Variants in CTDSPL2 observed in about 807,000 individuals in gnomAD.
CTDSPL2 encodes the protein CTD small phosphatase like 2.
In CTDSPL2, 5 loss-of-function variants were observed where a neutral mutation model predicts 60.0. The observed-to-expected ratio is 0.08, with a 90% CI of 0.04 to 0.18. The LOEUF (loss-of-function observed/expected upper bound fraction) is 0.18. Ranked by LOEUF, CTDSPL2 falls within the 10% of genes least tolerant of loss-of-function variation. The probability of loss-of-function intolerance (pLI) is 1.00; values close to 1 mark genes in which losing one functional copy is unlikely to be tolerated. For missense variants in CTDSPL2, 370 were observed against 548.8 expected (o/e 0.67, Z 3.26); for synonymous variants, 186 against 189.3 (o/e 0.98, Z 0.14).
intron 8 of CTDSPL2, among the ~76,000 whole-genome samples, chr15:44,506,102 T>C (rs2081458330): frequency 6.8e-6 from 1 of 148,116 alleles, no homozygotes; most frequent in South Asian, 2.2e-4. Context: ...CTATCTTGGC[T>C]CACCACAATC....
rs143320546 is a variant in CTDSPL2 at position 44,459,140 on chromosome 15, G to A, written c.126G>A (p.Ser42=). Residue 42 remains serine, a synonymous_variant, in exon 2 of 13, where the codon TCG becomes TCA. Coordinates refer to ENST00000260327, the MANE Select transcript of CTDSPL2 (RefSeq NM_016396.3). ...TGCCTTCAGGAGGAGAAAAACCATC[G>A]AAGAATGAAACCGGCTTGTTGTCTT... The part of the protein sequence containing the change: ...DSLPSGGEKP[S]KNETGLLSSI... 6.9e-5 allele frequency: 111 copies of A among 1,612,552 alleles called. No individual in the cohort carries two copies. Among genetic ancestry groups the A allele is most frequent in the South Asian group, 4.4e-5 (4 of 90,964 alleles).
chr15:44,502,555 T>C (rs2081397381), intron 8 of CTDSPL2, among the ~76,000 whole-genome samples: 2 of 152,156 alleles, frequency 1.3e-5, no homozygotes, highest in Non-Finnish European at 2.9e-5. Context: ...TATTGCAGCA[T>C]GAAAGTAGCC....
At position 44,522,232 on chromosome 15, in the gene CTDSPL2, C is replaced by G. The variant is rs117464150; in HGVS notation, c.1335+826C>G. Among the ~76,000 whole-genome samples, 589 of 152,192 alleles carry G rather than the reference C, an allele frequency of 3.9e-3. 15 individuals are homozygous for G. Among genetic ancestry groups the G allele is most frequent in the East Asian group, 0.038 (195 of 5,168 alleles). On this transcript the variant is annotated intron_variant, in intron 12 of 12. Transcript: ENST00000260327. ...TATTTTTTGTAGAGATGGGATTTCACTGTGTTTCCCAGGCTGGTCTTGAAC... is the reference window on the plus strand; with the variant it reads ...TATTTTTTGTAGAGATGGGATTTCAGTGTGTTTCCCAGGCTGGTCTTGAAC...
At chr15:44,442,922 A>G (rs924138968) in intron 1 of CTDSPL2, among the ~76,000 whole-genome samples, 14 of 151,992 alleles carry the variant, frequency 9.2e-5, no homozygotes, top group Non-Finnish European at 1.0e-4. Flanking sequence ...GCTGCAAGTA[A>G]GTGGTGAACC....
At chr15:44,486,808 C>A in intron 4 of CTDSPL2, 108 bp downstream of exon 4, 1 of 815,882 alleles carries the variant, frequency 1.2e-6, no homozygotes, top group Non-Finnish European at 1.8e-6. Flanking sequence ...GTTGCCCAGG[C>A]TGGAGTGCAG....
chr15:44,484,733 C>T (rs1200841471), intron 3 of CTDSPL2, among the ~76,000 whole-genome samples: 3 of 152,174 alleles, frequency 2.0e-5, no homozygotes, highest in Non-Finnish European at 2.9e-5. Context: ...GAGTGAGACT[C>T]TGTCTCAAAA....
chr15:44,478,452 C>CAAAAAA (rs61080056), intron 2 of CTDSPL2, among the ~76,000 whole-genome samples: 3 of 38,018 alleles, frequency 7.9e-5, no homozygotes, highest in Non-Finnish European at 1.4e-4. Flanking sequence ...GACTCTGTCT[C>CAAAAAA]AAAAAAAAAA....
chr15:44,509,282 A>C (rs575240019), intron 8 of CTDSPL2, among the ~76,000 whole-genome samples: 1 of 151,622 alleles, frequency 6.6e-6, no homozygotes, highest in African/African-American at 2.4e-5. Flanking sequence ...GCTCAGTGCA[A>C]CCTCCACCTT....
At chr15:44,523,449 C>CATACATACAT in intron 12 of CTDSPL2, among the ~76,000 whole-genome samples, 2 of 149,492 alleles carry the variant, frequency 1.3e-5, no homozygotes, top group East Asian at 4.0e-4. Context: ...CATACATAAG[C>CATACATACAT]AAGCAAGCTT....
intron 12 of CTDSPL2, among the ~76,000 whole-genome samples, chr15:44,523,389 TAC>T (rs1173343341): frequency 1.1e-4 from 1 of 8,804 alleles, no homozygotes; most frequent in Non-Finnish European, 2.7e-4. Flanking sequence ...ACCTCATCTC[TAC>T]ATACATACAT....
chr15:44,522,625 C>T (rs576214693), intron 12 of CTDSPL2, among the ~76,000 whole-genome samples: 8 of 151,922 alleles, frequency 5.3e-5, no homozygotes, highest in South Asian at 2.1e-4. Context: ...TAGTGGTGGG[C>T]GCCTATAATC....
chr15:44,518,558 C>T (rs2081700389), intron 10 of CTDSPL2: 1 of 151,668 alleles, frequency 6.6e-6, no homozygotes, highest in East Asian at 1.9e-4. Flanking sequence ...GGTCTTAGGA[C>T]CTTTTCTCAA....
chr15:44,486,765 T>G (rs570579806), intron 4 of CTDSPL2, 65 bp downstream of exon 4: 148 of 1,241,966 alleles, frequency 1.2e-4, no homozygotes, highest in African/African-American at 4.6e-4. Flanking sequence ...TGGGTTTTTT[T>G]TTTTTTTTTT....
intron 12 of CTDSPL2, among the ~76,000 whole-genome samples, chr15:44,523,831 A>G (rs1376030176): frequency 6.6e-6 from 1 of 152,130 alleles, no homozygotes; most frequent in African/African-American, 2.4e-5. Flanking sequence ...CCCAGGAGGC[A>G]GAAGTTGCAG....
chr15:44,497,044 A>G lies in CTDSPL2; in HGVS notation c.788A>G (p.His263Arg). The G allele has an allele frequency of 1.2e-6, 2 of 1,603,180 alleles. No individual in the cohort carries two copies. Among genetic ancestry groups the G allele is most frequent in the Non-Finnish European group, 1.7e-6 (2 of 1,172,600 alleles). The change falls in exon 7 of 13, where the codon CAT becomes CGT. Residue 263 changes from histidine (H) to arginine (R), a missense_variant. By Grantham distance (29) the His-to-Arg change is conservative (BLOSUM62 0). Coordinates refer to ENST00000260327, the MANE Select transcript of CTDSPL2 (RefSeq NM_016396.3). The part of the protein sequence containing the change: ...EVFDPYYFIK[H>R]VPPLTEEQLN... Reference sequence around the variant, plus strand: ...ATTTATAGCTATTATTTCATCAAACATGTCCCGCCACTGACAGAAGAACAA... The same window carrying G: ...ATTTATAGCTATTATTTCATCAAACGTGTCCCGCCACTGACAGAAGAACAA...
At chr15:44,478,684 A>G (rs2453273) in intron 2 of CTDSPL2, among the ~76,000 whole-genome samples, 5,518 of 152,048 alleles carry the variant, frequency 0.036, 203 homozygotes, top group Non-Finnish European at 0.051. Context: ...CTAAATTAGA[A>G]CATGTCTTGG....
intron 8 of CTDSPL2, among the ~76,000 whole-genome samples, chr15:44,508,631 A>G (rs2081512630): frequency 6.6e-6 from 1 of 152,152 alleles, no homozygotes; most frequent in South Asian, 2.1e-4. Flanking sequence ...TCTTTTTGAA[A>G]GTTATGGTCT....
In CTDSPL2 at chr15:44,491,043, T is replaced by TA. The variant is rs748680681; in HGVS notation, c.691+50dup. On this transcript the variant is annotated intron_variant, in intron 5 of 12. Transcript: ENST00000260327. Reference sequence around the variant, plus strand: ...CTTATACATCTTCATGAGTAGTTGATAAAAAATAACAGTATTTCATATTTT... The same window carrying TA: ...CTTATACATCTTCATGAGTAGTTGATAAAAAAATAACAGTATTTCATATTTT... The TA allele has an allele frequency of 5.6e-6, 8 of 1,417,240 alleles. No individual in the cohort carries two copies. The Admixed American group carries it at 1.0e-4, about 19-fold the overall frequency. The allele number at this position is 1,417,240 out of a possible 1,614,324, so 87.8% of individuals were successfully genotyped here. A position where few individuals can be genotyped will look rare whatever the true frequency, so the allele number is the denominator to read the frequency against.
chr15:44,495,770 C>G (rs529214099), intron 5 of CTDSPL2, among the ~76,000 whole-genome samples: 2 of 151,988 alleles, frequency 1.3e-5, no homozygotes, highest in East Asian at 3.9e-4. Context: ...CCAGTCTCTA[C>G]CAAAAATACA....
Sources: allele counts gnomAD v4.1 joint callset (sites outside exome capture counted in the v4.1 genomes callset), GRCh38; gene constraint gnomAD v4.1.1; transcripts MANE v1.5; gene names NCBI Gene and HGNC (gene_info 2026-07-23, HGNC 2026-07-21).